The following RBFOX2 variants were observed in gnomAD, a reference collection of about 807,000 sequenced individuals.
The protein encoded by RBFOX2 is RNA binding fox-1 homolog 2.
RBFOX2 carries 10 observed loss-of-function variants against 49.1 expected under a neutral mutation model. That is an observed-to-expected ratio of 0.20 (90% CI 0.13 to 0.35). The LOEUF is 0.35. RBFOX2 is among the 10% of genes least tolerant of loss of function. The pLI, the probability that RBFOX2 is intolerant of heterozygous loss-of-function variation, is 1.00. For synonymous variants in RBFOX2, 183 were observed against 187.4 expected (o/e 0.98, Z 0.19); for missense variants, 323 against 486.9 (o/e 0.66, Z 3.17).
At chr22:35,967,445 C>T (rs561599232) in intron 1 of RBFOX2, among the ~76,000 whole-genome samples, 2 of 151,070 alleles carry the variant, frequency 1.3e-5, no homozygotes, top group African/African-American at 4.9e-5. Flanking sequence ...TTTTCTTCCA[C>T]CTAATAGGTC....
intron 1 of RBFOX2, among the ~76,000 whole-genome samples, chr22:35,985,127 A>G (rs2057645001): frequency 6.6e-6 from 1 of 152,340 alleles, no homozygotes; most frequent in South Asian, 2.1e-4. Context: ...CAAATCAAGA[A>G]AGGAGACTTT....
At chr22:35,875,158 A>C (rs1414727282) in intron 1 of RBFOX2, among the ~76,000 whole-genome samples, 1 of 152,162 alleles carries the variant, frequency 6.6e-6, no homozygotes, top group Non-Finnish European at 1.5e-5. Context: ...GCTGTTGGTT[A>C]AGCCACTCAG....
intron 1 of RBFOX2, among the ~76,000 whole-genome samples, chr22:35,889,278 G>A (rs574710768): frequency 6.6e-6 from 1 of 152,254 alleles, no homozygotes; most frequent in Non-Finnish European, 1.5e-5. Context: ...GGGGCATGCA[G>A]GTTTCTCACA....
upstream of RBFOX2, chr22:35,939,011 C>T (rs136615): frequency 3.3e-4 from 334 of 1,011,798 alleles, 3 homozygotes; most frequent in Middle Eastern, 1.5e-3. Flanking sequence ...CTAAAATGTT[C>T]CATTAACTGT....
intron 1 of RBFOX2, among the ~76,000 whole-genome samples, chr22:36,022,108 T>C (rs575487908): frequency 1.3e-5 from 2 of 152,326 alleles, no homozygotes; most frequent in South Asian, 2.1e-4. Flanking sequence ...TTTACAAATG[T>C]ATATCAACAA....
intron 1 of RBFOX2, among the ~76,000 whole-genome samples, chr22:35,927,581 G>A (rs1018543156): frequency 3.2e-5 from 4 of 123,600 alleles, no homozygotes; most frequent in African/African-American, 1.4e-4. Flanking sequence ...TCCAGCCGGG[G>A]CAACAAGAGT....
intron 8 of RBFOX2, 60 bp downstream of exon 9, chr22:35,761,142 G>A: frequency 4.9e-6 from 7 of 1,420,190 alleles, no homozygotes; most frequent in Admixed American, 3.6e-5. Context: ...AAAAAAAACA[G>A]TACATGATAG....
intron 1 of RBFOX2, among the ~76,000 whole-genome samples, chr22:35,895,084 CTCTCTCTCTT>C (rs2047680262): frequency 6.6e-6 from 1 of 151,924 alleles, no homozygotes; most frequent in African/African-American, 2.4e-5. Flanking sequence ...CTCCCTCTCT[CTCTCTCTCTT>C]TCTCTCTCTC....
At chr22:35,860,981 A>G (rs2043032982) in intron 1 of RBFOX2, among the ~76,000 whole-genome samples, 2 of 152,192 alleles carry the variant, frequency 1.3e-5, no homozygotes, top group South Asian at 4.1e-4. Flanking sequence ...TCACATCCCT[A>G]TAAGACTGTA....
At chr22:35,957,435 T>C (rs2055699749) in intron 1 of RBFOX2, among the ~76,000 whole-genome samples, 1 of 152,150 alleles carries the variant, frequency 6.6e-6, no homozygotes, top group Non-Finnish European at 1.5e-5. Flanking sequence ...GCTACTTTAC[T>C]TGCACCCTCC....
intron 1 of RBFOX2, chr22:35,897,448 C>A (rs1430646157): frequency 9.5e-6 from 8 of 844,190 alleles, no homozygotes; most frequent in Middle Eastern, 2.3e-4. Context: ...TCCACTTTAT[C>A]CCTTGTTGTC....
intron 1 of RBFOX2, among the ~76,000 whole-genome samples, chr22:35,902,737 C>T (rs1223879265): frequency 6.6e-6 from 1 of 151,608 alleles, no homozygotes; most frequent in Non-Finnish European, 1.5e-5. Context: ...CTTGACCTCC[C>T]GGGCTCAAAC....
chr22:35,804,964 A>G (rs1339739235), intron 2 of RBFOX2, among the ~76,000 whole-genome samples: 1 of 152,148 alleles, frequency 6.6e-6, no homozygotes, highest in Non-Finnish European at 1.5e-5. Flanking sequence ...TCTAAAATCT[A>G]ATAATAAGAA....
At chr22:35,766,963 T>C (rs1374535003) in intron 5 of RBFOX2, among the ~76,000 whole-genome samples, 2 of 151,740 alleles carry the variant, frequency 1.3e-5, no homozygotes, top group Non-Finnish European at 2.9e-5. Flanking sequence ...AAAGAGAAAG[T>C]CAGGAAGGGT....
chr22:35,897,471 G>A, intron 1 of RBFOX2: 1 of 828,326 alleles, frequency 1.2e-6, no homozygotes, highest in Admixed American at 1.7e-5. Context: ...GGACTCAAAT[G>A]GGCTTATTTC....
At chr22:35,800,076 T>C (rs557495468) in intron 2 of RBFOX2, among the ~76,000 whole-genome samples, 187 of 152,300 alleles carry the variant, frequency 1.2e-3, no homozygotes, top group African/African-American at 4.3e-3. Context: ...AGTATAAACT[T>C]CATTTGATAG....
intron 1 of RBFOX2, among the ~76,000 whole-genome samples, chr22:35,931,079 G>A (rs984642080): frequency 1.3e-5 from 2 of 152,066 alleles, no homozygotes; most frequent in African/African-American, 4.8e-5. Flanking sequence ...AGTGCTACAA[G>A]AACACTAGAC....
upstream of RBFOX2, among the ~76,000 whole-genome samples, chr22:35,962,964 G>A (rs1275323494): frequency 6.7e-6 from 1 of 149,078 alleles, no homozygotes; most frequent in African/African-American, 2.5e-5. Flanking sequence ...TAGTAGGAAA[G>A]GGAGAAAAGG....
chr22:35,751,743 A>G (rs1047232897), intron 9 of RBFOX2, among the ~76,000 whole-genome samples: 2 of 152,212 alleles, frequency 1.3e-5, no homozygotes, highest in Non-Finnish European at 2.9e-5. Flanking sequence ...AAAATTTTAA[A>G]GTATTTAAAT....
Sources: gnomAD v4.1 joint callset for allele counts (sites outside exome capture counted in the v4.1 genomes callset) on GRCh38, gnomAD v4.1.1 for gene constraint, MANE v1.5 for transcripts, NCBI Gene and HGNC (gene_info 2026-07-23, HGNC 2026-07-21) for gene names.